The following CORO2B variants were observed in gnomAD, a reference collection of about 807,000 sequenced individuals.
The protein encoded by CORO2B is coronin-2B.
A neutral mutation model predicts 58.8 loss-of-function variants in CORO2B; 26 were observed. The ratio of observed to expected loss-of-function variants is 0.44; its 90% confidence interval spans 0.32 to 0.61. The LOEUF (loss-of-function observed/expected upper bound fraction) is 0.61. Among genes scored for constraint, CORO2B ranks in the 20% least tolerant of loss-of-function variants. CORO2B has a pLI of 0.04. For missense variants in CORO2B, 460 were observed against 645.1 expected (o/e 0.71, Z 3.11); for synonymous variants, 242 against 253.8 (o/e 0.95, Z 0.44).
chr15:68,628,156 A>G (rs1900732991), intron 1 of CORO2B, among the ~76,000 whole-genome samples: 1 of 152,258 alleles, frequency 6.6e-6, no homozygotes, highest in South Asian at 2.1e-4. Flanking sequence ...GTACATTACC[A>G]TAATGACCAG....
chr15:68,620,714 T>C (rs951693107), intron 1 of CORO2B, among the ~76,000 whole-genome samples: 20 of 152,226 alleles, frequency 1.3e-4, no homozygotes, highest in African/African-American at 4.8e-4. Context: ...ATTATTTCTT[T>C]GTTTTGCAGA....
chr15:68,633,765 A>G (rs776535958), intron 1 of CORO2B, among the ~76,000 whole-genome samples: 5 of 152,266 alleles, frequency 3.3e-5, no homozygotes, highest in Admixed American at 6.5e-5. Context: ...CAGAGATACT[A>G]CAACGGAGCC....
At chr15:68,599,609 C>T (rs985187810) in intron 1 of CORO2B, among the ~76,000 whole-genome samples, 1 of 152,128 alleles carries the variant, frequency 6.6e-6, no homozygotes, top group Admixed American at 6.5e-5. Context: ...GCCCCACCCC[C>T]ACGCTGCCCA....
chr15:68,614,819 T>G (rs1900315408), intron 1 of CORO2B, among the ~76,000 whole-genome samples: 1 of 152,212 alleles, frequency 6.6e-6, no homozygotes, highest in African/African-American at 2.4e-5. Context: ...GTCCTGACTG[T>G]GCCCCTCACA....
intron 1 of CORO2B, among the ~76,000 whole-genome samples, chr15:68,584,499 TC>T (rs1171576499): frequency 6.6e-6 from 1 of 152,178 alleles, no homozygotes; most frequent in African/African-American, 2.4e-5. Flanking sequence ...TGGGCCAATG[TC>T]CTGGCAGCTC....
chr15:68,579,243 C>T lies in CORO2B; in HGVS notation c.-20C>T, dbSNP rs751587483. 8.5e-7 allele frequency: 1 copy of T among 1,182,940 alleles called. No homozygotes were observed. Among genetic ancestry groups the T allele is most frequent in the South Asian group, 3.3e-5 (1 of 30,682 alleles). The allele number at this position is 1,182,940 out of a possible 1,614,324, so 73.3% of individuals were successfully genotyped here. The stretch of plus-strand genomic sequence containing the variant: ...CCCGCACGCCGCGCCCGCGCCCCCG[C>T]TCCGCCGCGGAGTTTCTGCATGACT... On this transcript the variant is annotated 5_prime_UTR_variant, in exon 1 of 12. Transcript: ENST00000261861.
At chr15:68,573,608 G>T in the CORO2B span, among the ~76,000 whole-genome samples, 1 of 152,102 alleles carries the variant, frequency 6.6e-6, no homozygotes, top group African/African-American at 2.4e-5. Context: ...GGGAGCTGAG[G>T]CATGTGGTGG....
chr15:68,602,112 T>C (rs1899999441), intron 1 of CORO2B, among the ~76,000 whole-genome samples: 1 of 151,618 alleles, frequency 6.6e-6, no homozygotes, highest in African/African-American at 2.4e-5. Context: ...TACTATCACA[T>C]TGGCACCGTC....
At chr15:68,549,576 G>A in the CORO2B span, among the ~76,000 whole-genome samples, 5 of 152,182 alleles carry the variant, frequency 3.3e-5, no homozygotes, top group African/African-American at 1.2e-4. Flanking sequence ...AAGGGACCAT[G>A]GGGAGGATGG....
At chr15:68,602,064 C>T (rs1899998447) in intron 1 of CORO2B, among the ~76,000 whole-genome samples, 2 of 151,068 alleles carry the variant, frequency 1.3e-5, no homozygotes, top group Non-Finnish European at 2.9e-5. Context: ...GGGAGGAGCC[C>T]TCATGGCCTA....
At chr15:68,560,130 G>T in the CORO2B span, among the ~76,000 whole-genome samples, 1 of 152,098 alleles carries the variant, frequency 6.6e-6, no homozygotes, top group African/African-American at 2.4e-5. Flanking sequence ...GCATTGGCTG[G>T]GGGCTGCCTG....
chr15:68,665,787 A>G (rs2140290890), intron 2 of CORO2B, among the ~76,000 whole-genome samples: 1 of 152,252 alleles, frequency 6.6e-6, no homozygotes, highest in South Asian at 2.1e-4. Flanking sequence ...ATATTTTGCC[A>G]TGTTACTAAA....
At chr15:68,549,085 T>G in the CORO2B span, among the ~76,000 whole-genome samples, 1 of 152,224 alleles carries the variant, frequency 6.6e-6, no homozygotes, top group East Asian at 1.9e-4. Flanking sequence ...AATTTTTTTC[T>G]TATTACGTGA....
At chr15:68,558,882 AT>A in the CORO2B span, among the ~76,000 whole-genome samples, 141 of 152,228 alleles carry the variant, frequency 9.3e-4, no homozygotes, top group African/African-American at 3.2e-3. Context: ...CAGTTCCTTC[AT>A]CTCCAGGTCT....
At chr15:68,531,204 G>T in the CORO2B span, among the ~76,000 whole-genome samples, 2 of 152,114 alleles carry the variant, frequency 1.3e-5, no homozygotes, top group Admixed American at 6.6e-5. Flanking sequence ...AATAAGGCCT[G>T]GTGTGCTGGC....
intron 1 of CORO2B, among the ~76,000 whole-genome samples, chr15:68,630,513 C>T (rs1207711304): frequency 6.6e-6 from 1 of 151,874 alleles, no homozygotes; most frequent in African/African-American, 2.4e-5. Context: ...AAGTTCTTTG[C>T]TGTGGGGGCA....
intron 2 of CORO2B, among the ~76,000 whole-genome samples, chr15:68,694,756 G>A (rs945006352): frequency 1.3e-5 from 2 of 152,242 alleles, no homozygotes; most frequent in Non-Finnish European, 2.9e-5. Context: ...GGCAGATCGT[G>A]GGCCTGTGTG....
intron 2 of CORO2B, among the ~76,000 whole-genome samples, chr15:68,660,764 C>T (rs1435263016): frequency 2.0e-5 from 3 of 152,122 alleles, no homozygotes; most frequent in East Asian, 1.9e-4. Flanking sequence ...GTGGTAAATC[C>T]GGTGAGGTCA....
intron 1 of CORO2B, among the ~76,000 whole-genome samples, chr15:68,613,515 A>G (rs1900286166): frequency 6.6e-6 from 1 of 152,188 alleles, no homozygotes; most frequent in Admixed American, 6.5e-5. Flanking sequence ...GGTGGCTGGC[A>G]AGGTTCTCCC....
Sources: gnomAD v4.1 joint callset for allele counts (sites outside exome capture counted in the v4.1 genomes callset) on GRCh38, gnomAD v4.1.1 for gene constraint, MANE v1.5 for transcripts, NCBI Gene and HGNC (gene_info 2026-07-23, HGNC 2026-07-21) for gene names.